The following PHF12 variants were observed in gnomAD, a reference collection of about 807,000 sequenced individuals.
The protein encoded by PHF12 is PHD finger protein 12, also known as PHD factor 1.
Under a neutral mutation model 99.8 loss-of-function variants are expected in PHF12, and 6 were observed. The ratio of observed to expected loss-of-function variants is 0.06; its 90% CI spans 0.03 to 0.12. The LOEUF is 0.12. Ranked by LOEUF, PHF12 falls within the 10% of genes least tolerant of loss-of-function variation. The probability of loss-of-function intolerance (pLI) is 1.00; values close to 1 mark genes in which losing one functional copy is unlikely to be tolerated. For synonymous variants in PHF12, 480 were observed against 514.9 expected (o/e 0.93, Z 0.92); for missense variants, 954 against 1,300.1 (o/e 0.73, Z 4.09).
chr17:28,920,210 G>A (rs1256107614), intron 5 of PHF12, among the ~76,000 whole-genome samples: 1 of 152,150 alleles, frequency 6.6e-6, no homozygotes, highest in Non-Finnish European at 1.5e-5. Context: ...GTTTGTCCTG[G>A]CTCAGAGTTC....
chr17:28,923,559 G>A (rs2040204195), intron 4 of PHF12, among the ~76,000 whole-genome samples: 1 of 144,516 alleles, frequency 6.9e-6, no homozygotes, highest in African/African-American at 2.6e-5. Flanking sequence ...TTGGAAGGCT[G>A]AAGCACGAGA....
At chr17:28,942,688 C>T (rs945560207) in intron 2 of PHF12, among the ~76,000 whole-genome samples, 5 of 151,186 alleles carry the variant, frequency 3.3e-5, no homozygotes, top group African/African-American at 9.7e-5. Flanking sequence ...TGGTGGCAGG[C>T]GCCTGTAATC....
chr17:28,907,220 C>G, intron 13 of PHF12: 1 of 547,396 alleles, frequency 1.8e-6, no homozygotes, highest in Non-Finnish European at 3.2e-6. Context: ...TCACTCTGCC[C>G]TCTCAGCACC....
chr17:28,907,270 T>A, intron 13 of PHF12: 1 of 517,668 alleles, frequency 1.9e-6, no homozygotes, highest in Non-Finnish European at 3.4e-6. Context: ...GTGATGATAA[T>A]GAAATTCACA....
chr17:28,924,211 A>G lies in PHF12; in HGVS notation c.413T>C (p.Leu138Ser). ...AGTTTTGCTGGCCGATCTGTCCAAC[A>G]AGTCAGTGTCACTGCTGGGGGATGT... ...RTTSPSSDTD[L>S]LDRSASKTEL... is the part of the protein sequence containing the mutation. The change falls in exon 4 of 15, where the codon TTG becomes TCG. Residue 138 changes from leucine (L) to serine (S), a missense_variant. Physicochemically the swap from Leu to Ser is moderately radical, Grantham distance 145. Coordinates refer to ENST00000332830, the MANE Select transcript of PHF12 (RefSeq NM_001033561.2). The G allele has an allele frequency of 6.2e-7, 1 of 1,614,158 alleles. No homozygotes were observed. Among genetic ancestry groups the G allele is most frequent in the Non-Finnish European group, 8.5e-7 (1 of 1,180,034 alleles).
intron 2 of PHF12, among the ~76,000 whole-genome samples, chr17:28,944,189 T>C (rs1439248284): frequency 6.6e-6 from 1 of 152,190 alleles, no homozygotes. Flanking sequence ...TGTCCTAATA[T>C]ATTATTAGTG....
intron 4 of PHF12, 91 bp downstream of exon 4, chr17:28,923,818 A>G: frequency 7.0e-7 from 1 of 1,434,824 alleles, no homozygotes; most frequent in Non-Finnish European, 9.3e-7. Context: ...CAGTAGCTAC[A>G]TGAACAGTGA....
At chr17:28,921,634 A>ATCATC in intron 5 of PHF12, 54 bp downstream of exon 5, 2 of 1,592,016 alleles carry the variant, frequency 1.3e-6, no homozygotes, top group South Asian at 1.1e-5. Context: ...GATGAGAGAA[A>ATCATC]AAGTATCATC....
Position 28,906,535 on chromosome 17 carries a change from G to A in PHF12, c.2681-18C>T, listed in dbSNP as rs1324920955. On this transcript the variant is annotated intron_variant, in intron 14 of 14. Transcript: ENST00000332830. This position sits in a 1 kb window ranked among gnomAD's most constrained non-coding sequence, Gnocchi z 4.2. ...GCGGCGCCCTGGGAAAAAGGGGGAT[G>A]GTCACAGAAGAGGAACAGTGAGCAG... 2 of 1,582,098 alleles carry A rather than the reference G, an allele frequency of 1.3e-6. No individual in the cohort carries two copies. The highest frequency in any genetic ancestry group is 4.5e-5 in the East Asian group (2 of 44,436).
At chr17:28,934,818 C>T (rs1026252536) in intron 2 of PHF12, among the ~76,000 whole-genome samples, 9 of 152,090 alleles carry the variant, frequency 5.9e-5, no homozygotes, top group African/African-American at 1.9e-4. Context: ...TCAGGCTGGT[C>T]TCGAACTCCT....
chr17:28,934,025 C>G (rs909983648), intron 2 of PHF12, among the ~76,000 whole-genome samples: 1 of 152,132 alleles, frequency 6.6e-6, no homozygotes, highest in African/African-American at 2.4e-5. Context: ...CCAACCTGGG[C>G]TTCAAAGCAA....
chr17:28,947,149 A>T (rs941713520), intron 2 of PHF12, among the ~76,000 whole-genome samples: 4 of 151,128 alleles, frequency 2.6e-5, no homozygotes, highest in Non-Finnish European at 5.9e-5. Flanking sequence ...ACACCCGGCT[A>T]ATTTTGTATT....
intron 2 of PHF12, among the ~76,000 whole-genome samples, chr17:28,947,688 C>T (rs908987817): frequency 2.0e-5 from 3 of 152,150 alleles, no homozygotes; most frequent in Admixed American, 6.5e-5. Flanking sequence ...AAATGAAATT[C>T]GTCTAGGGAA....
chr17:28,912,684 G>A lies in PHF12; in HGVS notation c.1887C>T (p.Pro629=). ...VPVPSLPPSI[P]SSCASIENTS... ...TGTTCTCGATGCTGGCACAAGAGCTGGGAATGGAAGGGGGCAGGCTTGGGA... is the reference window on the plus strand; with the variant it reads ...TGTTCTCGATGCTGGCACAAGAGCTAGGAATGGAAGGGGGCAGGCTTGGGA... Residue 629 remains proline, a synonymous_variant, in exon 9 of 15, where the codon CCC becomes CCT. Coordinates refer to ENST00000332830, the MANE Select transcript of PHF12 (RefSeq NM_001033561.2). 6.2e-7 allele frequency: 1 copy of A among 1,614,252 alleles called. No individual in the cohort carries two copies. The highest frequency in any genetic ancestry group is 1.1e-5 in the South Asian group (1 of 91,088).
At chr17:28,913,468 G>C (rs2040006283) in intron 8 of PHF12, among the ~76,000 whole-genome samples, 191 bp from the exon 9 acceptor site, 2 of 152,192 alleles carry the variant, frequency 1.3e-5, no homozygotes, top group Admixed American at 1.3e-4. Flanking sequence ...GGTACCCTCA[G>C]CAGGCCAACA....
chr17:28,919,645 C>T (rs1225872862), intron 5 of PHF12, among the ~76,000 whole-genome samples: 2 of 152,156 alleles, frequency 1.3e-5, no homozygotes, highest in Admixed American at 6.5e-5. Context: ...GAGGCTGAGG[C>T]AGGAGAATTG....
chr17:28,921,998 G>C (rs1222059048), intron 4 of PHF12, among the ~76,000 whole-genome samples, 190 bp from the exon 5 acceptor site: 1 of 152,168 alleles, frequency 6.6e-6, no homozygotes, highest in African/African-American at 2.4e-5. Context: ...AAAAAAAAGA[G>C]ACTAATACGT....
intron 2 of PHF12, among the ~76,000 whole-genome samples, chr17:28,946,819 T>C (rs1050104690): frequency 6.6e-6 from 1 of 152,210 alleles, no homozygotes; most frequent in African/African-American, 2.4e-5. Flanking sequence ...ATTACAGGCA[T>C]GAGCCACCAT....
intron 9 of PHF12, among the ~76,000 whole-genome samples, chr17:28,911,597 G>A (rs1002348664): frequency 2.6e-5 from 4 of 152,118 alleles, no homozygotes; most frequent in African/African-American, 9.7e-5. Context: ...TATGACTCAC[G>A]GCGTGGAGAA....
Sources: allele counts gnomAD v4.1 joint callset (sites outside exome capture counted in the v4.1 genomes callset), GRCh38; gene constraint gnomAD v4.1.1; non-coding constraint Gnocchi (gnomAD v3.1); transcripts MANE v1.5; gene names NCBI Gene and HGNC (gene_info 2026-07-23, HGNC 2026-07-21).